FIGNL2: variants seen among roughly 807,000 people sequenced by gnomAD.
FIGNL2 encodes the protein fidgetin like 2.
For synonymous variants in FIGNL2, 565 were observed against 484.0 expected, an observed-to-expected ratio of 1.17 and a Z score of -2.20; for missense variants, 1,060 against 950.2, an observed-to-expected ratio of 1.12 and a Z score of -1.52.
chr12:51,840,915 G>T (rs1483828046), intron 1 of FIGNL2, among the ~76,000 whole-genome samples: 1 of 152,198 alleles, frequency 6.6e-6, no homozygotes, highest in African/African-American at 2.4e-5. Flanking sequence ...CCTCCAAAAG[G>T]CTTAAGCTTT....
intron 1 of FIGNL2, among the ~76,000 whole-genome samples, chr12:51,838,774 T>G (rs948570243): frequency 6.6e-6 from 1 of 151,698 alleles, no homozygotes; most frequent in Non-Finnish European, 1.5e-5. Context: ...GGGAAAGAGG[T>G]GGGGGGGCTG....
rs769202967 is a variant in FIGNL2, at chr12:51,821,244, C to T, written c.1170G>A (p.Gln390=). ...SKMVDCGPPV[Q]WADVAGQGAL... Reference sequence around the variant, plus strand: ...CGCCCTGGCCCGCCACATCCGCCCACTGCACCGGGGGCCCGCAGTCCACCA... The same window carrying T: ...CGCCCTGGCCCGCCACATCCGCCCATTGCACCGGGGGCCCGCAGTCCACCA... Residue 390 remains glutamine (Q), a synonymous_variant, in exon 2 of 2, where the codon CAG becomes CAA. Coordinates refer to ENST00000618634, the MANE Select transcript of FIGNL2 (RefSeq NM_001384995.1). The T allele has an allele frequency of 6.6e-7, 1 of 1,525,862 alleles. No homozygotes were observed. The highest frequency in any genetic ancestry group is 1.4e-5 in the African/African-American group (1 of 70,984). The allele number at this position is 1,525,862 out of a possible 1,614,324, so 94.5% of individuals were successfully genotyped here. A position where few individuals can be genotyped will look rare whatever the true frequency, so the allele number is the denominator to read the frequency against.
In FIGNL2 at chr12:51,822,853, C is replaced by T. The variant is rs528269341; in HGVS notation, c.-11-429G>A. On this transcript the variant is annotated intron_variant, in intron 1 of 1. Transcript: ENST00000618634. The stretch of plus-strand genomic sequence containing the variant: ...TCAGTAAGAGATGTTTGTCACCTAC[C>T]GTGTGCTGGCCACTACAGAGGCACC... Among the ~76,000 whole-genome samples, 18 of 152,330 alleles carry T rather than the reference C, an allele frequency of 1.2e-4. No homozygotes were observed. In the South Asian group the frequency reaches 2.7e-3, roughly 23 times the overall value.
At chr12:51,822,496 G>A in intron 1 of FIGNL2, 72 bp from the exon 2 acceptor site, 2 of 1,558,870 alleles carry the variant, frequency 1.3e-6, no homozygotes, top group Non-Finnish European at 1.7e-6. Flanking sequence ...CTAGCCATAG[G>A]CCAGTCCGCC....
rs1939098131 is a variant in FIGNL2, at chr12:51,818,588, C to G, written c.*1864G>C. On this transcript the variant is annotated 3_prime_UTR_variant, in exon 2 of 2. Transcript: ENST00000618634. Reference sequence around the variant, plus strand: ...TCTGGTCAGCACTCCTAGGCCAGCACAGGCCCTGGGTGCCAGGGCCCCTGA... The same window carrying G: ...TCTGGTCAGCACTCCTAGGCCAGCAGAGGCCCTGGGTGCCAGGGCCCCTGA... 6.6e-6 allele frequency: 1 copy of G among 152,420 alleles called. No homozygotes were observed. Among genetic ancestry groups the G allele is most frequent in the Non-Finnish European group, 1.5e-5 (1 of 68,328 alleles). 9.4% of individuals were successfully genotyped at this position (152,420 alleles called of 1,614,324 possible). A position where few individuals can be genotyped will look rare whatever the true frequency, so the allele number is the denominator to read the frequency against.
At chr12:51,829,147 C>T (rs570058136) in intron 1 of FIGNL2, among the ~76,000 whole-genome samples, 46 of 152,380 alleles carry the variant, frequency 3.0e-4, no homozygotes, top group African/African-American at 1.1e-3. Context: ...CTCCTCTGAG[C>T]TCCATTATCT....
chr12:51,833,838 A>G (rs1026228857), intron 1 of FIGNL2, among the ~76,000 whole-genome samples: 6 of 152,266 alleles, frequency 3.9e-5, no homozygotes, highest in African/African-American at 1.4e-4. Context: ...TGTACCCACT[A>G]GAAAGTTCAT....
At chr12:51,823,803 T>G (rs1425491266) in intron 1 of FIGNL2, among the ~76,000 whole-genome samples, 1 of 152,234 alleles carries the variant, frequency 6.6e-6, no homozygotes, top group Non-Finnish European at 1.5e-5. Context: ...TTCCAAGTGT[T>G]TTGCTAGGCA....
intron 1 of FIGNL2, 112 bp from the exon 2 acceptor site, chr12:51,822,536 C>T (rs1470529908): frequency 2.5e-6 from 3 of 1,209,668 alleles, no homozygotes; most frequent in Admixed American, 2.1e-5. Context: ...GCTGGGCTTC[C>T]GGCATCCACC....
rs1939803610 is a variant in FIGNL2 at position 51,848,655 on chromosome 12, C to A, written c.-127G>T. On this transcript the variant is annotated 5_prime_UTR_variant, in exon 1 of 2. Coordinates refer to ENST00000618634, the MANE Select transcript of FIGNL2 (RefSeq NM_001384995.1). ...ACAGGCCTGGGCTGGGGGGCAGTGGCGCTCACCATCCTGGAGCCGCTGCTG... is the reference window on the plus strand; with the variant it reads ...ACAGGCCTGGGCTGGGGGGCAGTGGAGCTCACCATCCTGGAGCCGCTGCTG... The A allele has an allele frequency of 3.9e-6, 2 of 513,024 alleles. No homozygotes were observed. Among genetic ancestry groups the A allele is most frequent in the Admixed American group, 6.4e-5 (1 of 15,620 alleles). 31.8% of individuals were successfully genotyped at this position (513,024 alleles called of 1,614,324 possible). A position where few individuals can be genotyped will look rare whatever the true frequency, so the allele number is the denominator to read the frequency against.
intron 1 of FIGNL2, among the ~76,000 whole-genome samples, chr12:51,836,261 C>T (rs1346569511): frequency 1.3e-5 from 2 of 152,130 alleles, no homozygotes; most frequent in African/African-American, 2.4e-5. Context: ...GAGGGACAGG[C>T]GGAGGAGGAG....
In FIGNL2 at chr12:51,820,420, A is replaced by G. The variant is rs751022483; in HGVS notation, c.*32T>C. 5 of 1,567,950 alleles carry G rather than the reference A, an allele frequency of 3.2e-6. No individual in the cohort carries two copies. The highest frequency in any genetic ancestry group is 3.4e-6 in the Non-Finnish European group (4 of 1,165,290). On this transcript the variant is annotated 3_prime_UTR_variant, in exon 2 of 2. Coordinates refer to ENST00000618634, the MANE Select transcript of FIGNL2 (RefSeq NM_001384995.1). Reference sequence around the variant, plus strand: ...ACGCGGAGGCGGCGGGGACGGAGGGACTGCGGCTCCCGCGGCCTCCCCCGC... The same window carrying G: ...ACGCGGAGGCGGCGGGGACGGAGGGGCTGCGGCTCCCGCGGCCTCCCCCGC...
intron 1 of FIGNL2, among the ~76,000 whole-genome samples, chr12:51,834,011 AAATG>A (rs1939524196): frequency 2.1e-5 from 1 of 46,660 alleles, no homozygotes; most frequent in Admixed American, 2.7e-4. Context: ...ATGGACAGAC[AAATG>A]GACGGATGGA....
rs1939098729 is a variant in FIGNL2, at chr12:51,818,616, G to GGT, written c.*1835_*1836insAC. Reference sequence around the variant, plus strand: ...GCCCTGGGTGCCAGGGCCCCTGAAAGATCCCCCCCAGACACCCTCCCAGCC... The same window carrying GGT: ...GCCCTGGGTGCCAGGGCCCCTGAAAGGTATCCCCCCCAGACACCCTCCCAGCC... On this transcript the variant is annotated 3_prime_UTR_variant, in exon 2 of 2. Coordinates refer to ENST00000618634, the MANE Select transcript of FIGNL2 (RefSeq NM_001384995.1). 4.6e-5 allele frequency: 7 copies of GGT among 152,616 alleles called. No homozygotes were observed. Among genetic ancestry groups the GGT allele is most frequent in the African/African-American group, 1.5e-4 (6 of 41,368 alleles). The allele number at this position is 152,616 out of a possible 1,614,324, so 9.5% of individuals were successfully genotyped here. A position where few individuals can be genotyped will look rare whatever the true frequency, so the allele number is the denominator to read the frequency against.
chr12:51,824,782 G>C (rs980769690), intron 1 of FIGNL2, among the ~76,000 whole-genome samples: 2 of 152,242 alleles, frequency 1.3e-5, no homozygotes, highest in Non-Finnish European at 2.9e-5. Context: ...AGTGGCTCAT[G>C]CCTGTAATCC....
chr12:51,834,097 GTGGATGGATGGTTGGA>G (rs1206605335), intron 1 of FIGNL2, among the ~76,000 whole-genome samples: 12 of 87,948 alleles, frequency 1.4e-4, no homozygotes, highest in African/African-American at 3.9e-4. Context: ...AGACGGATGG[GTGGATGGATGGTTGGA>G]TGGATGGATG....
At chr12:51,844,325 C>A (rs1467013007) in intron 1 of FIGNL2, among the ~76,000 whole-genome samples, 1 of 152,168 alleles carries the variant, frequency 6.6e-6, no homozygotes, top group Non-Finnish European at 1.5e-5. Context: ...TCACTAAGAA[C>A]CCCCACTCTG....
rs1939804492 is a variant in FIGNL2, at chr12:51,848,685, G to C, written c.-157C>G. ...ACCATCCTGGAGCCGCTGCTGCTGCGGCTGCTGCGGCCGCCGCGGGCGGGA... is the reference window on the plus strand; with the variant it reads ...ACCATCCTGGAGCCGCTGCTGCTGCCGCTGCTGCGGCCGCCGCGGGCGGGA... On this transcript the variant is annotated 5_prime_UTR_variant, in exon 1 of 2. Transcript: ENST00000618634. 1 of 332,266 alleles carries C rather than the reference G, an allele frequency of 3.0e-6. No individual in the cohort carries two copies. The highest frequency in any genetic ancestry group is 1.2e-4 in the South Asian group (1 of 8,396). The allele number at this position is 332,266 out of a possible 1,614,324, so 20.6% of individuals were successfully genotyped here. A position where few individuals can be genotyped will look rare whatever the true frequency, so the allele number is the denominator to read the frequency against.
chr12:51,844,697 G>A (rs956817467), intron 1 of FIGNL2: 14 of 985,280 alleles, frequency 1.4e-5, no homozygotes, highest in African/African-American at 3.5e-5. Flanking sequence ...GCTCGGAGAA[G>A]AGCAATTGCC....
Sources: gnomAD v4.1 joint callset for allele counts (sites outside exome capture counted in the v4.1 genomes callset) on GRCh38, gnomAD v4.1.1 for gene constraint, MANE v1.5 for transcripts, NCBI Gene and HGNC (gene_info 2026-07-23, HGNC 2026-07-21) for gene names.